Variants in MDFIC observed in about 807,000 individuals in gnomAD.
MDFIC encodes myoD family inhibitor domain-containing protein.
A neutral mutation model predicts 23.2 loss-of-function variants in MDFIC; 17 were observed. That is an observed-to-expected ratio of 0.73 (90% CI 0.50 to 1.10). MDFIC has a LOEUF of 1.10. MDFIC is among the 50% of genes least tolerant of loss of function. The pLI is 0.00. For missense variants in MDFIC, 356 were observed against 316.6 expected, an observed-to-expected ratio of 1.12 and a Z score of -0.95; for synonymous variants, 120 against 115.2, an observed-to-expected ratio of 1.04 and a Z score of -0.27.
intron 3 of MDFIC, among the ~76,000 whole-genome samples, chr7:114,957,020 T>C (rs935419517): frequency 2.6e-5 from 4 of 152,294 alleles, no homozygotes; most frequent in Middle Eastern, 3.4e-3. Context: ...GATGTCATCA[T>C]TGTTCAGAAT....
chr7:114,942,266 T>A lies in MDFIC; in HGVS notation c.95-9T>A. The A allele has an allele frequency of 6.9e-7, 1 of 1,443,942 alleles. No homozygotes were observed. The highest frequency in any genetic ancestry group is 9.4e-7 in the Non-Finnish European group (1 of 1,068,100). 89.4% of individuals were successfully genotyped at this position (1,443,942 alleles called of 1,614,324 possible). On this transcript the variant is annotated splice_polypyrimidine_tract_variant and intron_variant, in intron 2 of 4. Coordinates refer to ENST00000393486, the MANE Select transcript of MDFIC (RefSeq NM_001166345.3). ...ATCAATTATATTAAATGTATCTTTT[T>A]TAATTCAGGAAAATGTGATAAAGAC...
chr7:114,973,702 G>A (rs1011010258), intron 3 of MDFIC, among the ~76,000 whole-genome samples: 1 of 152,126 alleles, frequency 6.6e-6, no homozygotes, highest in Non-Finnish European at 1.5e-5. Context: ...GGGGATGGGG[G>A]TAGTTGTACT....
intron 4 of MDFIC, among the ~76,000 whole-genome samples, chr7:115,005,394 T>G (rs1282147516): frequency 6.6e-6 from 1 of 152,208 alleles, no homozygotes; most frequent in African/African-American, 2.4e-5. Context: ...TAGCCTTATT[T>G]AAACCAAACA....
intron 4 of MDFIC, among the ~76,000 whole-genome samples, chr7:114,995,069 C>T (rs1791293283): frequency 6.6e-6 from 1 of 152,170 alleles, no homozygotes; most frequent in African/African-American, 2.4e-5. Context: ...TTTCTCTAAA[C>T]TTCTCTTCTC....
chr7:114,962,843 GTTCAT>G (rs1261880957), intron 3 of MDFIC, among the ~76,000 whole-genome samples: 1 of 152,242 alleles, frequency 6.6e-6, no homozygotes, highest in East Asian at 1.9e-4. Context: ...CCTCACAACT[GTTCAT>G]TTCATTATTA....
In MDFIC at chr7:115,000,773, G is replaced by A. The variant is rs1001525466; in HGVS notation, c.494-14915G>A. 4.6e-5 allele frequency among the ~76,000 whole-genome samples: 7 copies of A among 152,264 alleles called. No homozygotes were observed. The South Asian group carries it at 6.2e-4, about 14-fold the overall frequency. The stretch of plus-strand genomic sequence containing the variant: ...CTTTTACCAGTGCATAGTCAGCAAC[G>A]CCAGGATGCAGAAGAATGGAGAAAA... On this transcript the variant is annotated intron_variant, in intron 4 of 4. Transcript: ENST00000393486.
intron 3 of MDFIC, among the ~76,000 whole-genome samples, chr7:114,971,872 G>A (rs142344009): frequency 1.3e-5 from 2 of 151,974 alleles, no homozygotes; most frequent in East Asian, 3.9e-4. Context: ...TCTGAAAAGT[G>A]AAAGAAAATG....
chr7:114,979,877 C>T (rs1793388815), intron 4 of MDFIC, 96 bp downstream of exon 4: 1 of 1,409,704 alleles, frequency 7.1e-7, no homozygotes, highest in Admixed American at 1.9e-5. Context: ...AAGAATCTTG[C>T]TTATCCTTCA....
At chr7:114,978,381 CAT>C (rs1355244245) in intron 3 of MDFIC, among the ~76,000 whole-genome samples, 11 of 151,984 alleles carry the variant, frequency 7.2e-5, no homozygotes, top group African/African-American at 2.2e-4. Context: ...ACATAATTAA[CAT>C]ATTTATACTC....
intron 3 of MDFIC, among the ~76,000 whole-genome samples, chr7:114,959,660 A>G (rs1293611304): frequency 6.6e-6 from 1 of 152,080 alleles, no homozygotes; most frequent in African/African-American, 2.4e-5. Context: ...GCCTTGGGAA[A>G]TAACTGCTGA....
intron 4 of MDFIC, among the ~76,000 whole-genome samples, chr7:114,996,275 A>T (rs1791326363): frequency 6.6e-6 from 1 of 152,188 alleles, no homozygotes; most frequent in Non-Finnish European, 1.5e-5. Context: ...GGTGACAGTG[A>T]TGGAGGTGAT....
At chr7:115,012,951 C>T (rs553358199) in intron 4 of MDFIC, among the ~76,000 whole-genome samples, 101 of 152,120 alleles carry the variant, frequency 6.6e-4, no homozygotes, top group African/African-American at 2.2e-3. Flanking sequence ...TGCACTCCAG[C>T]CTGGGTGACA....
intron 2 of MDFIC, among the ~76,000 whole-genome samples, chr7:114,932,217 A>G (rs760165183): frequency 6.6e-5 from 10 of 152,220 alleles, no homozygotes; most frequent in Middle Eastern, 3.2e-3. Context: ...CAAAATGGAT[A>G]TAATTCATAC....
chr7:114,943,953 A>G (rs976801076), intron 3 of MDFIC, among the ~76,000 whole-genome samples: 4 of 152,232 alleles, frequency 2.6e-5, no homozygotes, highest in Non-Finnish European at 4.4e-5. Flanking sequence ...GACAAACACT[A>G]TTAAATAAGA....
chr7:114,961,940 A>T (rs1462679123), intron 3 of MDFIC, among the ~76,000 whole-genome samples: 1 of 152,192 alleles, frequency 6.6e-6, no homozygotes, highest in Non-Finnish European at 1.5e-5. Flanking sequence ...TCTATTGAAG[A>T]TATCATACCT....
At chr7:114,989,180 A>T (rs1336233883) in intron 4 of MDFIC, among the ~76,000 whole-genome samples, 1 of 152,216 alleles carries the variant, frequency 6.6e-6, no homozygotes, top group Non-Finnish European at 1.5e-5. Flanking sequence ...TAATGATATC[A>T]TGAGGCAGGG....
intron 3 of MDFIC, among the ~76,000 whole-genome samples, chr7:114,954,959 C>T (rs183561482): frequency 2.0e-5 from 3 of 152,266 alleles, no homozygotes; most frequent in East Asian, 3.9e-4. Flanking sequence ...CCCTTTCAGT[C>T]TCTCAGATGC....
intron 2 of MDFIC, among the ~76,000 whole-genome samples, chr7:114,936,571 T>G (rs1792428476): frequency 6.6e-6 from 1 of 152,076 alleles, no homozygotes; most frequent in Non-Finnish European, 1.5e-5. Flanking sequence ...AAAAAAAGAA[T>G]AACTTGTTAA....
At chr7:114,974,725 G>A (rs1388759835) in intron 3 of MDFIC, among the ~76,000 whole-genome samples, 1 of 151,988 alleles carries the variant, frequency 6.6e-6, no homozygotes, top group Admixed American at 6.6e-5. Context: ...TAAAAAAATT[G>A]TCAAAAGAAG....
Sources: allele counts gnomAD v4.1 joint callset (sites outside exome capture counted in the v4.1 genomes callset), GRCh38; gene constraint gnomAD v4.1.1; transcripts MANE v1.5; gene names NCBI Gene and HGNC (gene_info 2026-07-23, HGNC 2026-07-21).